The following MPDZ variants were observed in gnomAD, a reference collection of about 807,000 sequenced individuals.
The protein encoded by MPDZ is multiple PDZ domain crumbs cell polarity complex component.
In MPDZ, 234 loss-of-function variants were observed where a neutral mutation model predicts 239.1. The observed-to-expected ratio is 0.98, with a 90% confidence interval of 0.88 to 1.09. The LOEUF is 1.09. Among genes scored for constraint, MPDZ ranks in the 50% least tolerant of loss-of-function variants. The pLI is 0.00. For synonymous variants in MPDZ, 1,048 were observed against 881.3 expected (o/e 1.19, Z -3.35); for missense variants, 3,175 against 2,510.0 (o/e 1.26, Z -5.66).
At chr9:13,219,394 T>C (rs1958778451) in intron 8 of MPDZ, among the ~76,000 whole-genome samples, 165 bp downstream of exon 8, 1 of 152,028 alleles carries the variant, frequency 6.6e-6, no homozygotes, top group African/African-American at 2.4e-5. Context: ...TTATTCCTGA[T>C]TAATAAAATA....
At chr9:13,201,380 T>C (rs1405494603) in intron 12 of MPDZ, among the ~76,000 whole-genome samples, 1 of 152,008 alleles carries the variant, frequency 6.6e-6, no homozygotes, top group East Asian at 1.9e-4. Context: ...GCTAGTCTGA[T>C]TATGATGTGC....
chr9:13,207,238 C>T lies in MPDZ; in HGVS notation c.1291-1139G>A, dbSNP rs189430110. ...AATGACAAAACATTCAAAAATGTCCCGGTGATCTTTCCAAAATATAGATAT... is the reference window on the plus strand; with the variant it reads ...AATGACAAAACATTCAAAAATGTCCTGGTGATCTTTCCAAAATATAGATAT... On this transcript the variant is annotated intron_variant, in intron 10 of 46. Coordinates refer to ENST00000319217, the MANE Select transcript of MPDZ (RefSeq NM_001378778.1). Among the ~76,000 whole-genome samples, 242 of 152,232 alleles carry T rather than the reference C, an allele frequency of 1.6e-3. 1 individual carries two copies. The highest frequency in any genetic ancestry group is 5.2e-3 in the African/African-American group (217 of 41,542).
intron 3 of MPDZ, among the ~76,000 whole-genome samples, chr9:13,242,257 G>C (rs1445823025): frequency 8.6e-6 from 1 of 116,634 alleles, no homozygotes; most frequent in Non-Finnish European, 1.6e-5. Flanking sequence ...ACAGAGCCTG[G>C]CTCTGTTGCC....
At chr9:13,248,390 A>G (rs1966894803) in intron 2 of MPDZ, among the ~76,000 whole-genome samples, 1 of 152,310 alleles carries the variant, frequency 6.6e-6, no homozygotes, top group Non-Finnish European at 1.5e-5. Context: ...TCAAATAATT[A>G]TTGAACACTG....
rs778364916 is a variant in MPDZ, at chr9:13,110,677, C to G, written c.5788G>C (p.Val1930Leu). Residue 1930 changes from valine (V) to leucine (L), a missense_variant, in exon 44 of 47, where the codon GTT becomes CTT. By Grantham distance (32) the Val-to-Leu change is conservative. Coordinates refer to ENST00000319217, the MANE Select transcript of MPDZ (RefSeq NM_001378778.1). ...STEGMTHTQA[V>L]NLLKNASGSI... ...CCAGATGCATTTTTCAGTAGGTTAA[C>G]TGCTTGGGTGTGAGTCATGCCCTCA... 8.1e-6 allele frequency: 13 copies of G among 1,613,640 alleles called. No homozygotes were observed. In the East Asian group the frequency reaches 2.7e-4, roughly 33 times the overall value.
intron 28 of MPDZ, among the ~76,000 whole-genome samples, chr9:13,138,421 G>C (rs1947164149): frequency 6.6e-6 from 1 of 152,146 alleles, no homozygotes; most frequent in Non-Finnish European, 1.5e-5. Context: ...ACACCAAAGA[G>C]AAGTAATTCA....
At chr9:13,197,211 T>C (rs970523911) in intron 12 of MPDZ, among the ~76,000 whole-genome samples, 1 of 151,864 alleles carries the variant, frequency 6.6e-6, no homozygotes, top group Non-Finnish European at 1.5e-5. Context: ...CAAATAAGTG[T>C]TACTTCCTCA....
intron 25 of MPDZ, among the ~76,000 whole-genome samples, chr9:13,147,979 T>C (rs1252779240): frequency 1.3e-5 from 2 of 152,032 alleles, no homozygotes. Flanking sequence ...CAAAATTATA[T>C]GAGGGAACTA....
chr9:13,219,398 T>G (rs532707349), intron 8 of MPDZ, among the ~76,000 whole-genome samples, 161 bp downstream of exon 8: 1 of 152,020 alleles, frequency 6.6e-6, no homozygotes, highest in Non-Finnish European at 1.5e-5. Flanking sequence ...TCCTGATTAA[T>G]AAAATATCAT....
At chr9:13,123,817 T>C (rs1165941795) in intron 35 of MPDZ, among the ~76,000 whole-genome samples, 1 of 152,218 alleles carries the variant, frequency 6.6e-6, no homozygotes, top group Non-Finnish European at 1.5e-5. Context: ...TTTCTTCTTA[T>C]CCTAGAGCAT....
chr9:13,240,270 T>C (rs1013505128), intron 3 of MPDZ, among the ~76,000 whole-genome samples: 1 of 151,988 alleles, frequency 6.6e-6, no homozygotes, highest in East Asian at 1.9e-4. Flanking sequence ...TGAAGACTGA[T>C]AATATTTTGC....
chr9:13,228,156 C>T (rs927270565), intron 3 of MPDZ, among the ~76,000 whole-genome samples: 1 of 152,032 alleles, frequency 6.6e-6, no homozygotes, highest in African/African-American at 2.4e-5. Context: ...GATAAACATT[C>T]TGTATAATTT....
intron 10 of MPDZ, among the ~76,000 whole-genome samples, chr9:13,209,851 A>G (rs1232167407): frequency 6.6e-6 from 1 of 152,124 alleles, no homozygotes; most frequent in Non-Finnish European, 1.5e-5. Flanking sequence ...CAATTTTCCC[A>G]TAGCTCAGAG....
At chr9:13,131,990 A>G (rs958727400) in intron 32 of MPDZ, among the ~76,000 whole-genome samples, 2 of 152,146 alleles carry the variant, frequency 1.3e-5, no homozygotes, top group African/African-American at 4.8e-5. Context: ...AGATTCTTGT[A>G]TGTTCCCCTT....
At chr9:13,124,737 G>C (rs138520371) in intron 35 of MPDZ, among the ~76,000 whole-genome samples, 2 of 152,128 alleles carry the variant, frequency 1.3e-5, no homozygotes, top group African/African-American at 4.8e-5. Flanking sequence ...GTTTCTTACA[G>C]TGGCAGGCAG....
intron 46 of MPDZ, among the ~76,000 whole-genome samples, chr9:13,107,439 T>G (rs920066730): frequency 6.6e-6 from 1 of 152,114 alleles, no homozygotes; most frequent in Non-Finnish European, 1.5e-5. Flanking sequence ...GTAGGAATGA[T>G]TCAATAGAAT....
intron 10 of MPDZ, among the ~76,000 whole-genome samples, chr9:13,213,573 T>C (rs905186203): frequency 4.6e-5 from 7 of 152,164 alleles, no homozygotes; most frequent in Admixed American, 2.0e-4. Context: ...AATTAATACA[T>C]GTTCAAAAGC....
chr9:13,278,053 T>C (rs1199799378), intron 1 of MPDZ, among the ~76,000 whole-genome samples: 3 of 152,156 alleles, frequency 2.0e-5, no homozygotes, highest in Admixed American at 6.5e-5. Context: ...TCAGATAAGG[T>C]GTTATTTATT....
rs781291564 is a variant in MPDZ, at chr9:13,205,944, C to A, written c.1446G>T (p.Leu482Phe). The A allele has an allele frequency of 1.2e-6, 2 of 1,606,598 alleles. No homozygotes were observed. The highest frequency in any genetic ancestry group is 2.2e-5 in the South Asian group (2 of 89,194). The change falls in exon 11 of 47, where the codon TTG becomes TTT. Residue 482 changes from leucine to phenylalanine, a missense_variant. Physicochemically the swap from Leu to Phe is conservative, Grantham distance 22 (BLOSUM62 0). Coordinates refer to ENST00000319217, the MANE Select transcript of MPDZ (RefSeq NM_001378778.1). ...SREDVTKDAD[L>F]SPVNASIIKE... The stretch of plus-strand genomic sequence containing the variant: ...TGATTATGCTGGCATTAACAGGAGA[C>A]AAATCTGCATCTTTTGTGACGTCTT...
Sources: gnomAD v4.1 joint callset for allele counts (sites outside exome capture counted in the v4.1 genomes callset) on GRCh38, gnomAD v4.1.1 for gene constraint, MANE v1.5 for transcripts, NCBI Gene and HGNC (gene_info 2026-07-23, HGNC 2026-07-21) for gene names.